MYT1: variants seen among roughly 807,000 people sequenced by gnomAD.
The protein encoded by MYT1 is myelin transcription factor I.
In MYT1, 23 loss-of-function variants were observed where a neutral mutation model predicts 123.0. That is an observed-to-expected ratio of 0.19 (90% CI 0.13 to 0.26). The LOEUF is 0.26. MYT1 is among the 10% of genes least tolerant of loss of function. MYT1 has a pLI of 1.00. For synonymous variants in MYT1, 518 were observed against 575.3 expected (o/e 0.90, Z 1.43); for missense variants, 1,125 against 1,472.5 (o/e 0.76, Z 3.86).
At chr20:64,179,256 C>T (rs1472926792) in intron 1 of MYT1, among the ~76,000 whole-genome samples, 2 of 151,870 alleles carry the variant, frequency 1.3e-5, no homozygotes, top group South Asian at 2.1e-4. Context: ...AGCACTGAGC[C>T]GTTATTCGGT....
intron 6 of MYT1, among the ~76,000 whole-genome samples, chr20:64,206,651 T>C (rs1262971760): frequency 6.6e-6 from 1 of 152,202 alleles, no homozygotes; most frequent in African/African-American, 2.4e-5. Context: ...CCAGCTCCCT[T>C]GGGGGGCTCT....
In MYT1 at chr20:64,212,350, C is replaced by T. The variant is rs1371131295; in HGVS notation, c.1517+212C>T. On this transcript the variant is annotated intron_variant, in intron 9 of 22. Coordinates refer to ENST00000328439, the MANE Select transcript of MYT1 (RefSeq NM_004535.3). The surrounding 1 kb of genome is among the most constrained non-coding windows in gnomAD (Gnocchi z 6.8). ...CCGTGACCTGGGACGGGGCTCTGGC[C>T]TGCCTGGGGCTCCCTGTGTGCTACC... is the stretch of plus-strand genomic sequence containing the variant. Among the ~76,000 whole-genome samples the T allele has an allele frequency of 6.6e-6, 1 of 152,160 alleles. No homozygotes were observed. Among genetic ancestry groups the T allele is most frequent in the Non-Finnish European group, 1.5e-5 (1 of 68,022 alleles).
At chr20:64,170,915 A>AC (rs1982253747) in intron 1 of MYT1, among the ~76,000 whole-genome samples, 1 of 134,292 alleles carries the variant, frequency 7.4e-6, no homozygotes, top group Non-Finnish European at 1.6e-5. Flanking sequence ...AGAGAGAGAG[A>AC]GAGAGAGAGA....
chr20:64,194,736 G>A (rs1983057160), intron 2 of MYT1, among the ~76,000 whole-genome samples: 1 of 152,192 alleles, frequency 6.6e-6, no homozygotes, highest in Non-Finnish European at 1.5e-5. Flanking sequence ...GGAAGGAGTG[G>A]GGAGACGCAG....
chr20:64,172,215 G>A (rs572927492), intron 1 of MYT1, among the ~76,000 whole-genome samples: 31 of 152,274 alleles, frequency 2.0e-4, no homozygotes, highest in Non-Finnish European at 2.1e-4. Flanking sequence ...GCAGCAGAGG[G>A]GGCTGCTCTG....
intron 16 of MYT1, among the ~76,000 whole-genome samples, chr20:64,227,031 G>A (rs1251443047): frequency 2.0e-5 from 3 of 152,234 alleles, no homozygotes; most frequent in South Asian, 2.1e-4. Context: ...AGTCCAGACC[G>A]GACCCTACAG....
intron 7 of MYT1, among the ~76,000 whole-genome samples, chr20:64,209,243 G>C (rs1387593746): frequency 6.6e-6 from 1 of 152,156 alleles, no homozygotes; most frequent in African/African-American, 2.4e-5. Flanking sequence ...TCAGGGTCTG[G>C]ACAACAGGCT....
intron 1 of MYT1, among the ~76,000 whole-genome samples, chr20:64,165,936 C>G (rs571874437): frequency 1.3e-5 from 2 of 152,032 alleles, no homozygotes; most frequent in South Asian, 4.1e-4. Context: ...GGGGCCCACT[C>G]GGTGCTGAGG....
rs1984660044 is a variant in MYT1, at chr20:64,239,840, G to A, written c.3174G>A (p.Leu1058=). 1 of 1,613,762 alleles carries A rather than the reference G, an allele frequency of 6.2e-7. No individual in the cohort carries two copies. The highest frequency in any genetic ancestry group is 1.7e-5 in the Admixed American group (1 of 60,010). Residue 1058 remains leucine, a synonymous_variant, in exon 22 of 23, where the codon CTG becomes CTA. Coordinates refer to ENST00000328439, the MANE Select transcript of MYT1 (RefSeq NM_004535.3). Reference sequence around the variant, plus strand: ...AGGAGCAGAATGAAGCCCTGTTTCTGGAGCTGTCCGGCCTGAGCCAGGCCC... The same window carrying A: ...AGGAGCAGAATGAAGCCCTGTTTCTAGAGCTGTCCGGCCTGAGCCAGGCCC... The part of the protein sequence containing the change: ...LIEEQNEALF[L]ELSGLSQALI...
At chr20:64,229,323 G>A (rs776456209) in intron 18 of MYT1, among the ~76,000 whole-genome samples, 1 of 152,218 alleles carries the variant, frequency 6.6e-6, no homozygotes, top group Non-Finnish European at 1.5e-5. Context: ...CAAGGATCCT[G>A]CTGGCAGGGA....
In MYT1 at chr20:64,190,365, G is replaced by GTCATT. The variant is rs913274251; in HGVS notation, c.-1+206_-1+207insCATTT. Among the ~76,000 whole-genome samples, 2 of 152,238 alleles carry GTCATT rather than the reference G, an allele frequency of 1.3e-5. No individual in the cohort carries two copies. The highest frequency in any genetic ancestry group is 4.8e-5 in the African/African-American group (2 of 41,470). On this transcript the variant is annotated intron_variant, in intron 2 of 22. Transcript: ENST00000328439. The surrounding 1 kb of genome is among the most constrained non-coding windows in gnomAD (Gnocchi z 4.1). ...ATTAAGGGAAGAAAAATGACTCTGA[G>GTCATT]TAGATCAAAACTAAAATGTGACCCC...
At chr20:64,217,413 A>G (rs1983871521) in intron 11 of MYT1, 132 bp downstream of exon 11, 1 of 980,576 alleles carries the variant, frequency 1.0e-6, no homozygotes, top group Non-Finnish European at 1.5e-6. Context: ...TGGGAGGACC[A>G]CGATGCAGGC....
chr20:64,213,486 C>G lies in MYT1; in HGVS notation c.1518-48C>G, dbSNP rs748097705. 1.4e-5 allele frequency: 20 copies of G among 1,474,712 alleles called. No individual in the cohort carries two copies. Among genetic ancestry groups the G allele is most frequent in the Non-Finnish European group, 1.8e-5 (19 of 1,056,220 alleles). 91.4% of individuals were successfully genotyped at this position (1,474,712 alleles called of 1,614,324 possible). On this transcript the variant is annotated intron_variant, in intron 9 of 22. Transcript: ENST00000328439. This position sits in a 1 kb window ranked among gnomAD's most constrained non-coding sequence, Gnocchi z 5.6. ...ACACACACAGACACCCAGGACAGGACAGGCATGGAGGGGAAGGCTCAGAAA... is the reference window on the plus strand; with the variant it reads ...ACACACACAGACACCCAGGACAGGAGAGGCATGGAGGGGAAGGCTCAGAAA...
intron 2 of MYT1, among the ~76,000 whole-genome samples, chr20:64,194,803 T>C (rs1983059848): frequency 1.3e-5 from 2 of 152,216 alleles, no homozygotes; most frequent in Non-Finnish European, 2.9e-5. Flanking sequence ...ATGGAAAATC[T>C]CCAACCCTGA....
intron 11 of MYT1, 97 bp downstream of exon 11, chr20:64,217,378 A>G (rs966209484): frequency 7.6e-7 from 1 of 1,316,560 alleles, no homozygotes; most frequent in Admixed American, 1.9e-5. Flanking sequence ...TCGAGGAGCT[A>G]CTAGGGAGGG....
chr20:64,217,387 G>C, intron 11 of MYT1, 106 bp downstream of exon 11: 1 of 1,242,406 alleles, frequency 8.0e-7, no homozygotes, highest in Non-Finnish European at 1.1e-6. Context: ...TACTAGGGAG[G>C]GAAACTCTAC....
At chr20:64,236,378 G>GGCTGGCCGTGGTGGGT (rs1984544263) in intron 19 of MYT1, among the ~76,000 whole-genome samples, 177 bp from the exon 20 acceptor site, 1 of 149,598 alleles carries the variant, frequency 6.7e-6, no homozygotes, top group Admixed American at 6.6e-5. Context: ...GGTGACCCTG[G>GGCTGGCCGTGGTGGGT]GATGGCCGTG....
chr20:64,183,073 C>T (rs369229047), intron 1 of MYT1, among the ~76,000 whole-genome samples: 5 of 152,326 alleles, frequency 3.3e-5, no homozygotes, highest in African/African-American at 7.2e-5. Flanking sequence ...TAGGCAACCA[C>T]GAATCTACTT....
At position 64,213,246 on chromosome 20, in the gene MYT1, T is replaced by C. The variant is rs1287240391; in HGVS notation, c.1518-288T>C. 6.6e-6 allele frequency among the ~76,000 whole-genome samples: 1 copy of C among 152,150 alleles called. No homozygotes were observed. The highest frequency in any genetic ancestry group is 2.4e-5 in the African/African-American group (1 of 41,436). On this transcript the variant is annotated intron_variant, in intron 9 of 22. Transcript: ENST00000328439. This position sits in a 1 kb window ranked among gnomAD's most constrained non-coding sequence, Gnocchi z 5.6. ...AGAGGAGGCATCTTTGCCCAGAGCT[T>C]TCAAGGCCTTTAGGATATATTTCAT...
Sources: allele counts gnomAD v4.1 joint callset (sites outside exome capture counted in the v4.1 genomes callset), GRCh38; gene constraint gnomAD v4.1.1; non-coding constraint Gnocchi (gnomAD v3.1); transcripts MANE v1.5; gene names NCBI Gene and HGNC (gene_info 2026-07-23, HGNC 2026-07-21).